The following SLC35F3 variants were observed in gnomAD, a reference collection of about 807,000 sequenced individuals.
SLC35F3 encodes solute carrier family 35 member F3.
Under a neutral mutation model 49.9 loss-of-function variants are expected in SLC35F3, and 25 were observed. The ratio of observed to expected loss-of-function variants is 0.50; its 90% confidence interval spans 0.37 to 0.70. SLC35F3 has a LOEUF of 0.70. Among genes scored for constraint, SLC35F3 ranks in the 30% least tolerant of loss-of-function variants. SLC35F3 has a pLI of 0.00. For synonymous variants in SLC35F3, 275 were observed against 265.4 expected, an observed-to-expected ratio of 1.04 and a Z score of -0.35; for missense variants, 525 against 639.8, an observed-to-expected ratio of 0.82 and a Z score of 1.94.
At chr1:233,969,355 T>C (rs1045550178) in intron 2 of SLC35F3, among the ~76,000 whole-genome samples, 1 of 152,114 alleles carries the variant, frequency 6.6e-6, no homozygotes, top group African/African-American at 2.4e-5. Context: ...AGAGCTGACA[T>C]GGTGTGATCA....
intron 3 of SLC35F3, among the ~76,000 whole-genome samples, chr1:234,256,417 G>C (rs1342449957): frequency 2.0e-5 from 3 of 152,134 alleles, no homozygotes; most frequent in Non-Finnish European, 4.4e-5. Flanking sequence ...GGGATGGTAG[G>C]ACAAACCTCC....
intron 3 of SLC35F3, among the ~76,000 whole-genome samples, chr1:234,259,658 A>G (rs1667872589): frequency 6.6e-6 from 1 of 151,918 alleles, no homozygotes; most frequent in Non-Finnish European, 1.5e-5. Context: ...TGGGTGACAA[A>G]GCGAGACTCC....
chr1:234,251,802 A>C (rs745454172), intron 3 of SLC35F3, among the ~76,000 whole-genome samples: 1 of 152,188 alleles, frequency 6.6e-6, no homozygotes. Flanking sequence ...ACCTAAATAC[A>C]GAAAGAACTT....
intron 2 of SLC35F3, among the ~76,000 whole-genome samples, chr1:233,994,133 G>C (rs1298679520): frequency 6.6e-6 from 1 of 152,164 alleles, no homozygotes; most frequent in African/African-American, 2.4e-5. Flanking sequence ...GTCTTGCCGT[G>C]TTATTGGCAT....
At chr1:234,207,028 G>A (rs911251) in intron 2 of SLC35F3, among the ~76,000 whole-genome samples, 99,277 of 151,912 alleles carry the variant, frequency 0.65, 32,910 homozygotes, top group East Asian at 0.99. Flanking sequence ...TGGCGTTGAC[G>A]AGGATCCGAT....
At chr1:234,082,287 G>C (rs992187210) in intron 2 of SLC35F3, among the ~76,000 whole-genome samples, 13 of 152,010 alleles carry the variant, frequency 8.6e-5, no homozygotes, top group African/African-American at 2.4e-4. Context: ...TACATCAAAT[G>C]GCTTTATGTA....
chr1:234,220,589 G>T (rs1050668058), intron 2 of SLC35F3, among the ~76,000 whole-genome samples: 1 of 152,160 alleles, frequency 6.6e-6, no homozygotes, highest in Admixed American at 6.5e-5. Flanking sequence ...ATTGCAGGGG[G>T]ATCAGGTAAC....
At chr1:234,314,477 C>T (rs1357220628) in intron 4 of SLC35F3, among the ~76,000 whole-genome samples, 1 of 152,184 alleles carries the variant, frequency 6.6e-6, no homozygotes, top group Non-Finnish European at 1.5e-5. Flanking sequence ...AAGGTAGCTC[C>T]AGGCCGGGCA....
intron 2 of SLC35F3, among the ~76,000 whole-genome samples, chr1:234,127,897 G>A (rs1235878279): frequency 6.6e-6 from 1 of 152,164 alleles, no homozygotes; most frequent in Admixed American, 6.5e-5. Context: ...ATGAACATAT[G>A]CACATGACAT....
Position 234,238,157 on chromosome 1 carries a change from T to C in SLC35F3, c.608+6416T>C, listed in dbSNP as rs533019839. Among the ~76,000 whole-genome samples the C allele has an allele frequency of 6.6e-5, 10 of 152,364 alleles. No homozygotes were observed. The South Asian group carries it at 2.1e-3, about 32-fold the overall frequency. ...AATATTGGAAGACTGCAGTTTGTAA[T>C]TTGGCCCATGGCTTGAGTGTGGTGG... is the stretch of plus-strand genomic sequence containing the variant. On this transcript the variant is annotated intron_variant, in intron 3 of 7. Coordinates refer to ENST00000366618, the MANE Select transcript of SLC35F3 (RefSeq NM_173508.4).
intron 2 of SLC35F3, among the ~76,000 whole-genome samples, chr1:234,106,334 C>A (rs2102884698): frequency 6.6e-6 from 1 of 152,312 alleles, no homozygotes; most frequent in South Asian, 2.1e-4. Context: ...ACAAAAGAAG[C>A]TCCTTTACCC....
chr1:234,150,178 T>C (rs1666056328), intron 2 of SLC35F3, among the ~76,000 whole-genome samples: 1 of 152,246 alleles, frequency 6.6e-6, no homozygotes, highest in African/African-American at 2.4e-5. Context: ...ATTGTCCGCA[T>C]TTAAATTGTG....
chr1:234,175,705 A>G (rs1023421112), intron 2 of SLC35F3, among the ~76,000 whole-genome samples: 10 of 151,368 alleles, frequency 6.6e-5, no homozygotes, highest in Non-Finnish European at 8.8e-5. Context: ...AGATAAACCA[A>G]TGGGTCTGAA....
rs1484764075 is a variant in SLC35F3 at position 234,027,559 on chromosome 1, C to CT, written c.283+121802dup. ...GGGTCTTAGACTCGCAATAGGTAGG[C>CT]TAGAAGGCTGTTCTCTGATCTAAGC... On this transcript the variant is annotated intron_variant, in intron 2 of 7. Transcript: ENST00000366618. The surrounding 1 kb of genome is among the most constrained non-coding windows in gnomAD (Gnocchi z 4.1). Among the ~76,000 whole-genome samples, 1 of 152,076 alleles carries CT rather than the reference C, an allele frequency of 6.6e-6. No homozygotes were observed. Among genetic ancestry groups the CT allele is most frequent in the African/African-American group, 2.4e-5 (1 of 41,420 alleles).
In SLC35F3 at chr1:234,214,692, C is replaced by T. The variant is rs1667094990; in HGVS notation, c.284-16725C>T. 1.5e-6 allele frequency: 2 copies of T among 1,340,314 alleles called. No homozygotes were observed. The highest frequency in any genetic ancestry group is 3.4e-5 in the South Asian group (2 of 59,510). 83.0% of individuals were successfully genotyped at this position (1,340,314 alleles called of 1,614,324 possible). A position where few individuals can be genotyped will look rare whatever the true frequency, so the allele number is the denominator to read the frequency against. ...GGCTGGGGGTACTGCTCCCCCAGGA[C>T]GCGGCTCCGCAGTGCAGAGCGCCGC... is the stretch of plus-strand genomic sequence containing the variant. On this transcript the variant is annotated intron_variant, in intron 2 of 7. Transcript: ENST00000366618. This position sits in a 1 kb window ranked among gnomAD's most constrained non-coding sequence, Gnocchi z 8.0.
At chr1:234,271,608 A>G (rs570739435) in intron 3 of SLC35F3, among the ~76,000 whole-genome samples, 3 of 152,226 alleles carry the variant, frequency 2.0e-5, no homozygotes, top group African/African-American at 7.2e-5. Flanking sequence ...GTTATTTATT[A>G]TGCATTGATG....
intron 2 of SLC35F3, among the ~76,000 whole-genome samples, chr1:234,163,898 G>C: frequency 6.6e-6 from 1 of 152,096 alleles, no homozygotes; most frequent in South Asian, 2.1e-4. Flanking sequence ...GTGCCGAGGA[G>C]TGAAAGAACT....
chr1:233,906,732 G>A (rs748783562), intron 2 of SLC35F3, among the ~76,000 whole-genome samples: 1 of 151,964 alleles, frequency 6.6e-6, no homozygotes, highest in Non-Finnish European at 1.5e-5. Flanking sequence ...GAAAACGGGC[G>A]TTTGTAATTT....
chr1:234,265,079 T>A (rs532817296), intron 3 of SLC35F3, among the ~76,000 whole-genome samples: 2 of 152,328 alleles, frequency 1.3e-5, no homozygotes, highest in East Asian at 3.9e-4. Context: ...TCCTGTCTCA[T>A]GTCTCCCTGA....
Sources: gnomAD v4.1 joint callset for allele counts (sites outside exome capture counted in the v4.1 genomes callset) on GRCh38, gnomAD v4.1.1 for gene constraint, Gnocchi (gnomAD v3.1) non-coding constraint, MANE v1.5 for transcripts, NCBI Gene and HGNC (gene_info 2026-07-23, HGNC 2026-07-21) for gene names.